Variants in CCDC146 observed in about 807,000 individuals in gnomAD.
CCDC146 encodes the protein coiled-coil domain containing 146, also known as coiled-coil domain-containing protein 146.
A neutral mutation model predicts 119.3 loss-of-function variants in CCDC146; 92 were observed. The observed-to-expected ratio is 0.77, with a 90% CI of 0.65 to 0.92. CCDC146 has a LOEUF of 0.92. CCDC146 is among the 40% of genes least tolerant of loss of function. CCDC146 has a pLI of 0.00. For synonymous variants in CCDC146, 372 were observed against 371.8 expected (o/e 1.00, Z -0.01); for missense variants, 1,000 against 1,103.0 (o/e 0.91, Z 1.32).
chr7:77,175,712 A>G (rs1468948915), intron 2 of CCDC146, among the ~76,000 whole-genome samples: 1 of 151,306 alleles, frequency 6.6e-6, no homozygotes, highest in Non-Finnish European at 1.5e-5. Flanking sequence ...TATTTAAAAG[A>G]TAAAAGATAC....
intron 2 of CCDC146, chr7:77,194,336 T>C (rs1253203159): frequency 6.6e-6 from 1 of 152,090 alleles, no homozygotes; most frequent in African/African-American, 2.4e-5. Context: ...GTTTTTAGTC[T>C]TTTTTAAAAA....
At position 77,196,482 on chromosome 7, in the gene CCDC146, G is replaced by C. The variant is rs1328317183; in HGVS notation, c.156+28658G>C. On this transcript the variant is annotated intron_variant, in intron 2 of 18. Transcript: ENST00000285871. The surrounding 1 kb of genome is among the most constrained non-coding windows in gnomAD (Gnocchi z 4.2). ...AACCACCAGCCTGAACTGTAGTACA[G>C]CCCACAGTTCCCAGAAGGATATCGA... 1 of 1,614,024 alleles carries C rather than the reference G, an allele frequency of 6.2e-7. No individual in the cohort carries two copies. The highest frequency in any genetic ancestry group is 1.3e-5 in the African/African-American group (1 of 75,036).
At chr7:77,234,252 C>CTTTT (rs11286441) in intron 2 of CCDC146, among the ~76,000 whole-genome samples, 1 of 147,394 alleles carries the variant, frequency 6.8e-6, no homozygotes, top group Non-Finnish European at 1.5e-5. Flanking sequence ...TTTGTAAAGG[C>CTTTT]TTTTTTTTTT....
At chr7:77,152,570 T>G (rs1791122431) in intron 1 of CCDC146, among the ~76,000 whole-genome samples, 1 of 152,210 alleles carries the variant, frequency 6.6e-6, no homozygotes, top group Non-Finnish European at 1.5e-5. Context: ...TCTTTAATGG[T>G]GTTCCTCCCT....
intron 1 of CCDC146, among the ~76,000 whole-genome samples, chr7:77,147,732 C>G (rs1450959650): frequency 5.9e-5 from 9 of 152,236 alleles, no homozygotes; most frequent in Non-Finnish European, 2.9e-5. Flanking sequence ...GCGAATATTG[C>G]TGAACAGCAA....
chr7:77,230,686 G>A (rs1329879449), intron 2 of CCDC146, among the ~76,000 whole-genome samples: 4 of 152,172 alleles, frequency 2.6e-5, no homozygotes, highest in African/African-American at 9.7e-5. Context: ...TCAGCAGTTT[G>A]TGATGTATCT....
At chr7:77,285,947 C>A (rs2150552374) in intron 15 of CCDC146, among the ~76,000 whole-genome samples, 1 of 152,288 alleles carries the variant, frequency 6.6e-6, no homozygotes, top group South Asian at 2.1e-4. Context: ...CTATTGCCAG[C>A]CAAGTGTTTT....
chr7:77,141,653 A>G (rs542210123), intron 1 of CCDC146, among the ~76,000 whole-genome samples: 1 of 152,194 alleles, frequency 6.6e-6, no homozygotes, highest in South Asian at 2.1e-4. Flanking sequence ...TTTGATTTGC[A>G]TTTCTCTAAT....
chr7:77,137,663 C>G (rs1198373810), intron 1 of CCDC146, among the ~76,000 whole-genome samples: 5 of 150,926 alleles, frequency 3.3e-5, no homozygotes, highest in Admixed American at 3.3e-4. Context: ...AAGATGTTAG[C>G]AGTTCTTCCC....
At chr7:77,167,235 T>G (rs918593858) in intron 1 of CCDC146, among the ~76,000 whole-genome samples, 1 of 152,178 alleles carries the variant, frequency 6.6e-6, no homozygotes, top group Non-Finnish European at 1.5e-5. Flanking sequence ...AGCACTTTTC[T>G]ACAGAAATAT....
chr7:77,125,034 A>C (rs2117380397), intron 1 of CCDC146, among the ~76,000 whole-genome samples: 1 of 152,020 alleles, frequency 6.6e-6, no homozygotes, highest in African/African-American at 2.4e-5. Context: ...CTCTACTAAA[A>C]ATTAAAAAAA....
intron 1 of CCDC146, among the ~76,000 whole-genome samples, chr7:77,164,748 A>G (rs975842493): frequency 2.0e-5 from 3 of 152,238 alleles, no homozygotes; most frequent in African/African-American, 7.2e-5. Context: ...AGTAAATTTA[A>G]TGAATAAATG....
In CCDC146 at chr7:77,278,806, A is replaced by G. The variant is rs755371013; in HGVS notation, c.1495A>G (p.Ile499Val). The change falls in exon 12 of 19, where the codon ATA becomes GTA. Residue 499 changes from isoleucine (I) to valine (V), a missense_variant. Ile to Val is a conservative substitution (Grantham distance 29). This residue lies in a region of CCDC146 where 985 missense variants were observed against 1,045.3 expected (regional missense o/e 0.94). Coordinates refer to ENST00000285871, the MANE Select transcript of CCDC146 (RefSeq NM_020879.3). ...GAAAGCAAAGGATCTTGAAATCAGG[A>G]TACACAAGAAGAAAAAATGTGAAAT... ...EMKAKDLEIR[I>V]HKKKKCEIYR... is the part of the protein sequence containing the mutation. 6 of 1,613,064 alleles carry G rather than the reference A, an allele frequency of 3.7e-6. No individual in the cohort carries two copies. The highest frequency in any genetic ancestry group is 1.1e-5 in the South Asian group (1 of 90,976).
intron 2 of CCDC146, among the ~76,000 whole-genome samples, chr7:77,169,533 T>C (rs1791386050): frequency 6.6e-6 from 1 of 152,260 alleles, no homozygotes; most frequent in Admixed American, 6.5e-5. Flanking sequence ...AATTCCATCA[T>C]TTCTTCTATA....
intron 2 of CCDC146, among the ~76,000 whole-genome samples, chr7:77,177,090 CCT>C (rs1791511664): frequency 6.6e-6 from 1 of 152,086 alleles, no homozygotes. Context: ...CCCACCTCGG[CCT>C]CTCAAAATGC....
intron 1 of CCDC146, among the ~76,000 whole-genome samples, chr7:77,142,269 G>T (rs1159619967): frequency 6.6e-6 from 1 of 151,976 alleles, no homozygotes; most frequent in Non-Finnish European, 1.5e-5. Flanking sequence ...GAGACAGGGA[G>T]TCAAATTGTC....
intron 2 of CCDC146, among the ~76,000 whole-genome samples, chr7:77,180,318 A>G (rs535505815): frequency 6.6e-6 from 1 of 152,126 alleles, no homozygotes; most frequent in African/African-American, 2.4e-5. Context: ...TTATCCATTC[A>G]TCCACTGATG....
chr7:77,156,756 T>C (rs1791183879), intron 1 of CCDC146, among the ~76,000 whole-genome samples: 1 of 152,204 alleles, frequency 6.6e-6, no homozygotes, highest in Admixed American at 6.5e-5. Context: ...GATTTTGTTG[T>C]TGTTGTTGTC....
intron 1 of CCDC146, among the ~76,000 whole-genome samples, chr7:77,128,194 G>A (rs1790716668): frequency 6.6e-6 from 1 of 151,630 alleles, no homozygotes. Context: ...TCTTGTCATG[G>A]CTTATAAATT....
Sources: gnomAD v4.1 joint callset for allele counts (sites outside exome capture counted in the v4.1 genomes callset) on GRCh38, gnomAD v4.1.1 for gene constraint, gnomAD v4.1.1 regional missense constraint, Gnocchi (gnomAD v3.1) non-coding constraint, MANE v1.5 for transcripts, NCBI Gene and HGNC (gene_info 2026-07-23, HGNC 2026-07-21) for gene names.